The following UBA3 variants were observed in gnomAD, a reference collection of about 807,000 sequenced individuals.
UBA3 encodes the protein ubiquitin like modifier activating enzyme 3, also known as NEDD8-activating enzyme E1 catalytic subunit.
A neutral mutation model predicts 73.5 loss-of-function variants in UBA3; 26 were observed. The observed-to-expected ratio is 0.35, with a 90% confidence interval of 0.26 to 0.49. The LOEUF is 0.49. Ranked by LOEUF, UBA3 falls within the 20% of genes least tolerant of loss-of-function variation. The pLI, the probability that UBA3 is intolerant of heterozygous loss-of-function variation, is 0.98. For missense variants in UBA3, 495 were observed against 555.6 expected (o/e 0.89, Z 1.10); for synonymous variants, 217 against 191.2 (o/e 1.13, Z -1.11).
Position 69,064,075 on chromosome 3 carries a change from G to A in UBA3, c.465C>T (p.Phe155=). 1 of 1,602,694 alleles carries A rather than the reference G, an allele frequency of 6.2e-7. No homozygotes were observed. The highest frequency in any genetic ancestry group is 2.3e-5 in the East Asian group (1 of 44,198). The change falls in exon 7 of 18, where the codon TTC becomes TTT. Residue 155 remains phenylalanine (F), a synonymous_variant. Transcript: ENST00000361055. The part of the protein sequence containing the change: ...FNKIQDFNDT[F]YRQFHIIVCG... ...TTCAAGTAAAAAACTTACGTCGATA[G>A]AAAGTGTCGTTAAAATCTTGAATCT...
At chr3:69,066,551 C>A (rs1158446391) in intron 6 of UBA3, among the ~76,000 whole-genome samples, 2 of 152,038 alleles carry the variant, frequency 1.3e-5, no homozygotes, top group African/African-American at 4.8e-5. Context: ...TCAAGCGATT[C>A]TCCCACCTCA....
rs1056223467 is a variant in UBA3, at chr3:69,055,381, T to C, written c.*56A>G. 1.4e-5 allele frequency: 17 copies of C among 1,184,360 alleles called. No homozygotes were observed. The African/African-American group carries it at 2.7e-4, about 19-fold the overall frequency. The allele number at this position is 1,184,360 out of a possible 1,614,324, so 73.4% of individuals were successfully genotyped here. A position where few individuals can be genotyped will look rare whatever the true frequency, so the allele number is the denominator to read the frequency against. On this transcript the variant is annotated 3_prime_UTR_variant, in exon 18 of 18. Transcript: ENST00000361055. The stretch of plus-strand genomic sequence containing the variant: ...CTAAAAATGACATCGATTCAACTTC[T>C]TAGCATCCACAAAGTATATTATTTC...
intron 3 of UBA3, among the ~76,000 whole-genome samples, chr3:69,075,994 G>C (rs2092163527): frequency 6.6e-6 from 1 of 152,046 alleles, no homozygotes; most frequent in Non-Finnish European, 1.5e-5. Context: ...GCCTCCCAAA[G>C]TTTCTTGGAT....
chr3:69,055,269 C>T lies in UBA3; in HGVS notation c.*168G>A, dbSNP rs1041447205. 4.6e-6 allele frequency: 2 copies of T among 436,878 alleles called. No homozygotes were observed. The highest frequency in any genetic ancestry group is 2.1e-5 in the African/African-American group (1 of 48,436). The allele number at this position is 436,878 out of a possible 1,614,324, so 27.1% of individuals were successfully genotyped here. ...ATGAAAATGCTTACAAGCACCAACACCAAAATTCTGTCTTCAAGGGAAGGT... is the reference window on the plus strand; with the variant it reads ...ATGAAAATGCTTACAAGCACCAACATCAAAATTCTGTCTTCAAGGGAAGGT... On this transcript the variant is annotated 3_prime_UTR_variant, in exon 18 of 18. Transcript: ENST00000361055.
chr3:69,058,507 A>C (rs1221285572), intron 11 of UBA3, among the ~76,000 whole-genome samples: 1 of 152,234 alleles, frequency 6.6e-6, no homozygotes, highest in African/African-American at 2.4e-5. Context: ...TAAAAAGTTG[A>C]CTGTGACCAT....
intron 2 of UBA3, among the ~76,000 whole-genome samples, chr3:69,079,400 C>G (rs529491043): frequency 6.6e-6 from 1 of 152,310 alleles, no homozygotes; most frequent in South Asian, 2.1e-4. Flanking sequence ...TACTGGGAAT[C>G]GGCACGGAAA....
chr3:69,060,963 C>T (rs1290163649), intron 11 of UBA3, among the ~76,000 whole-genome samples: 9 of 152,222 alleles, frequency 5.9e-5, no homozygotes, highest in Admixed American at 4.6e-4. Flanking sequence ...ACACAGCCTG[C>T]AGAACCATGA....
chr3:69,063,986 A>G, intron 7 of UBA3, 82 bp downstream of exon 7: 1 of 1,200,720 alleles, frequency 8.3e-7, no homozygotes. Flanking sequence ...AATAGCCTTG[A>G]AATAGCTAGC....
At chr3:69,061,752 C>T in intron 11 of UBA3, 62 bp downstream of exon 11, 1 of 1,088,738 alleles carries the variant, frequency 9.2e-7, no homozygotes, top group East Asian at 2.4e-5. Context: ...GATTATTCTC[C>T]TGAAAGCATC....
chr3:69,058,426 A>T (rs1362456707), intron 11 of UBA3, among the ~76,000 whole-genome samples: 2 of 152,186 alleles, frequency 1.3e-5, no homozygotes, highest in African/African-American at 4.8e-5. Flanking sequence ...GGTTTCAAAA[A>T]CTTAAGGAAA....
chr3:69,072,291 T>C (rs1248502004), intron 4 of UBA3, among the ~76,000 whole-genome samples: 1 of 152,212 alleles, frequency 6.6e-6, no homozygotes, highest in African/African-American at 2.4e-5. Flanking sequence ...ACTTTTCTGG[T>C]CTTGGTCAGT....
chr3:69,080,124 A>C lies in UBA3; in HGVS notation c.50T>G (p.Leu17Arg). Residue 17 changes from leucine to arginine, a missense_variant, in exon 2 of 18, where the codon CTG (leucine) becomes CGG (arginine). By Grantham distance (102) the Leu-to-Arg change is moderately radical (BLOSUM62 -2). Coordinates refer to ENST00000361055, the MANE Select transcript of UBA3 (RefSeq NM_003968.4). ...PEKKRRRIEE[L>R]LAEKMAVDGG... is the part of the protein sequence containing the mutation. ...CGGCAGCACTAACTTCTCAGCCAGC[A>C]GCTCCTCTATTCTCCTTCTTTTCTT... 3.7e-6 allele frequency: 6 copies of C among 1,609,192 alleles called. No individual in the cohort carries two copies. The highest frequency in any genetic ancestry group is 5.1e-6 in the Non-Finnish European group (6 of 1,178,778).
chr3:69,071,615 G>C lies in UBA3; in HGVS notation c.267C>G (p.Ala89=), dbSNP rs771542363. 6.5e-7 allele frequency: 1 copy of C among 1,535,342 alleles called. No homozygotes were observed. Among genetic ancestry groups the C allele is most frequent in the African/African-American group, 1.4e-5 (1 of 69,816 alleles). Reference sequence around the variant, plus strand: ...CATGAATCTGTCTAAAACCAGACAAGGCCTGTGGGAATAAAAACAATCCAA... The same window carrying C: ...CATGAATCTGTCTAAAACCAGACAACGCCTGTGGGAATAAAAACAATCCAA... ...GLGCELLKNL[A]LSGFRQIHVI... Residue 89 remains alanine, a splice_region_variant and synonymous_variant, in exon 5 of 18, where the codon GCC becomes GCG. Transcript: ENST00000361055.
At chr3:69,070,468 G>A (rs1030477851) in intron 5 of UBA3, among the ~76,000 whole-genome samples, 1 of 151,988 alleles carries the variant, frequency 6.6e-6, no homozygotes, top group Non-Finnish European at 1.5e-5. Context: ...AGCACTGTCA[G>A]TAACAGATGC....
In UBA3 at chr3:69,071,617, C is replaced by CTTCAGTG; in HGVS notation, c.265-1_265insCACTGAA (p.Ala89HisfsTer2). 1 of 1,532,668 alleles carries CTTCAGTG rather than the reference C, an allele frequency of 6.5e-7. No individual in the cohort carries two copies. Among genetic ancestry groups the CTTCAGTG allele is most frequent in the East Asian group, 2.4e-5 (1 of 40,912 alleles). The allele number at this position is 1,532,668 out of a possible 1,614,324, so 94.9% of individuals were successfully genotyped here. On this transcript the variant is annotated stop_gained and frameshift_variant and splice_region_variant. Coordinates refer to ENST00000361055, the MANE Select transcript of UBA3 (RefSeq NM_003968.4). LOFTEE classifies it high-confidence loss of function. ...TGAATCTGTCTAAAACCAGACAAGGCCTGTGGGAATAAAAACAATCCAATT... is the reference window on the plus strand; with the variant it reads ...TGAATCTGTCTAAAACCAGACAAGGCTTCAGTGCTGTGGGAATAAAAACAATCCAATT...
At position 69,055,634 on chromosome 3, in the gene UBA3, C is replaced by T. The variant is rs1225595695; in HGVS notation, c.1304-109G>A. 1.1e-5 allele frequency: 10 copies of T among 931,108 alleles called. No individual in the cohort carries two copies. The African/African-American group carries it at 1.6e-4, about 15-fold the overall frequency. The allele number at this position is 931,108 out of a possible 1,614,324, so 57.7% of individuals were successfully genotyped here. ...TACGGTCTAGAAAAACATCAAAATCCAATCCTCTTTAATCAAAGTAATATT... is the reference window on the plus strand; with the variant it reads ...TACGGTCTAGAAAAACATCAAAATCTAATCCTCTTTAATCAAAGTAATATT... On this transcript the variant is annotated intron_variant, in intron 17 of 17. Coordinates refer to ENST00000361055, the MANE Select transcript of UBA3 (RefSeq NM_003968.4).
At chr3:69,071,447 AT>A in intron 5 of UBA3, 87 bp downstream of exon 5, 2 of 706,780 alleles carry the variant, frequency 2.8e-6, no homozygotes, top group South Asian at 2.0e-5. Context: ...CTCTCAAGTC[AT>A]TTTTAAAAAT....
In UBA3 at chr3:69,067,917, C is replaced by A; in HGVS notation, c.428+11G>T. ...AAAAATTAAGTAATTTTCTTTTTGT[C>A]AAAAGGATACGGAACTACATTGCAA... On this transcript the variant is annotated intron_variant, in intron 6 of 17. Transcript: ENST00000361055. 1 of 1,585,406 alleles carries A rather than the reference C, an allele frequency of 6.3e-7. No individual in the cohort carries two copies. Among genetic ancestry groups the A allele is most frequent in the South Asian group, 1.1e-5 (1 of 87,810 alleles).
At position 69,067,609 on chromosome 3, in the gene UBA3, G is replaced by A. The variant is rs901544998; in HGVS notation, c.428+319C>T. Among the ~76,000 whole-genome samples the A allele has an allele frequency of 3.3e-5, 5 of 152,178 alleles. No homozygotes were observed. In the South Asian group the frequency reaches 8.3e-4, roughly 25 times the overall value. On this transcript the variant is annotated intron_variant, in intron 6 of 17. Transcript: ENST00000361055. ...AAGAAACAAAGATTAATTGGATCCA[G>A]CCTAGGAATTTACACTCTAGTAAAG...
Sources: gnomAD v4.1 joint callset for allele counts (sites outside exome capture counted in the v4.1 genomes callset) on GRCh38, gnomAD v4.1.1 for gene constraint, MANE v1.5 for transcripts, NCBI Gene and HGNC (gene_info 2026-07-23, HGNC 2026-07-21) for gene names.